The following CCDC6 variants were observed in gnomAD, a reference collection of about 807,000 sequenced individuals.
CCDC6 encodes the protein coiled-coil domain containing 6.
Under a neutral mutation model 56.6 loss-of-function variants are expected in CCDC6, and 20 were observed. The observed-to-expected ratio is 0.35, with a 90% CI of 0.25 to 0.51. The LOEUF (loss-of-function observed/expected upper bound fraction) is 0.51. Among genes scored for constraint, CCDC6 ranks in the 20% least tolerant of loss-of-function variants. The pLI is 0.95. For missense variants in CCDC6, 367 were observed against 601.1 expected (o/e 0.61, Z 4.07); for synonymous variants, 241 against 234.4 (o/e 1.03, Z -0.26).
At chr10:59,800,393 T>C (rs762094485) in intron 7 of CCDC6, among the ~76,000 whole-genome samples, 1 of 152,216 alleles carries the variant, frequency 6.6e-6, no homozygotes, top group Non-Finnish European at 1.5e-5. Context: ...GTAGAAATGG[T>C]ATCATATAGT....
In CCDC6 at chr10:59,890,701, G is replaced by GT. The variant is rs528699218; in HGVS notation, c.303+15420dup. 2.3e-3 allele frequency among the ~76,000 whole-genome samples: 347 copies of GT among 151,300 alleles called. 2 individuals carry two copies. The highest frequency in any genetic ancestry group is 3.6e-3 in the Non-Finnish European group (247 of 67,718). On this transcript the variant is annotated intron_variant, in intron 1 of 8. Coordinates refer to ENST00000263102, the MANE Select transcript of CCDC6 (RefSeq NM_005436.5). ...GCAAGGAAGGGGCAAACAGATTTTT[G>GT]TTTTTTTTCTTTTTTATTTATTTAT...
intron 1 of CCDC6, among the ~76,000 whole-genome samples, chr10:59,865,509 T>C (rs1457971441): frequency 6.6e-6 from 1 of 152,136 alleles, no homozygotes; most frequent in Non-Finnish European, 1.5e-5. Flanking sequence ...TAAAACCCAC[T>C]GGCAGTTGAT....
rs1024764988 is a variant in CCDC6, at chr10:59,790,891, T to C, written c.*2026A>G. 4.8e-6 allele frequency: 1 copy of C among 207,716 alleles called. No homozygotes were observed. The highest frequency in any genetic ancestry group is 2.3e-5 in the African/African-American group (1 of 43,888). 12.9% of individuals were successfully genotyped at this position (207,716 alleles called of 1,614,324 possible). On this transcript the variant is annotated 3_prime_UTR_variant, in exon 9 of 9. Transcript: ENST00000263102. Reference sequence around the variant, plus strand: ...GAGGGAAGATCATTCCATTATGGACTTTCTTGTTTGGGTGCAAGACACTAT... The same window carrying C: ...GAGGGAAGATCATTCCATTATGGACCTTCTTGTTTGGGTGCAAGACACTAT...
At chr10:59,808,667 C>T (rs967224948) in intron 5 of CCDC6, among the ~76,000 whole-genome samples, 2 of 152,150 alleles carry the variant, frequency 1.3e-5, no homozygotes. Context: ...ATTGTCAGTT[C>T]GGTCCAAATT....
At chr10:59,899,434 C>T (rs575212139) in intron 1 of CCDC6, among the ~76,000 whole-genome samples, 22 of 152,324 alleles carry the variant, frequency 1.4e-4, no homozygotes, top group African/African-American at 3.6e-4. Flanking sequence ...ACAATTATTT[C>T]GGCAAGGCAT....
chr10:59,794,248 A>C (rs2271564), intron 8 of CCDC6, among the ~76,000 whole-genome samples: 35,331 of 152,172 alleles, frequency 0.23, 4,383 homozygotes, highest in Middle Eastern at 0.29. Context: ...ACAAAGGGTA[A>C]TTTTTCATAG....
At chr10:59,885,914 C>T (rs2071379615) in intron 1 of CCDC6, among the ~76,000 whole-genome samples, 1 of 47,056 alleles carries the variant, frequency 2.1e-5, no homozygotes, top group East Asian at 1.3e-3. Context: ...TTTCCAACCC[C>T]GCCCCCCGCC....
intron 1 of CCDC6, among the ~76,000 whole-genome samples, chr10:59,893,726 T>C (rs780297573): frequency 1.8e-5 from 2 of 110,974 alleles, no homozygotes; most frequent in African/African-American, 3.0e-5. Flanking sequence ...AAGTAAGTTA[T>C]GGTTCTCCAC....
Position 59,833,034 on chromosome 10 carries a change from T to C in CCDC6, c.454-381A>G, listed in dbSNP as rs2132644093. 2.0e-5 allele frequency among the ~76,000 whole-genome samples: 3 copies of C among 152,360 alleles called. No homozygotes were observed. The South Asian group carries it at 6.2e-4, about 32-fold the overall frequency. On this transcript the variant is annotated intron_variant, in intron 2 of 8. Transcript: ENST00000263102. ...GTCAAAATCACAGAACATACTTAGG[T>C]AAATTATTCAGAATGCTATTTCCAG...
At chr10:59,856,321 T>A (rs1334183932) in intron 1 of CCDC6, among the ~76,000 whole-genome samples, 4 of 134,476 alleles carry the variant, frequency 3.0e-5, no homozygotes, top group Admixed American at 2.3e-4. Context: ...AAGGGCAAAA[T>A]GCTATATCCA....
rs1305688322 is a variant in CCDC6 at position 59,849,087 on chromosome 10, CACA to C, written c.453+3463_453+3465del. Reference sequence around the variant, plus strand: ...TTTTAATTACAAATAACGATTAAAGCACAACCTCTCTTCAAGGCATTCAAGAGT... The same window carrying C: ...TTTTAATTACAAATAACGATTAAAGCACCTCTCTTCAAGGCATTCAAGAGT... On this transcript the variant is annotated intron_variant, in intron 2 of 8. Coordinates refer to ENST00000263102, the MANE Select transcript of CCDC6 (RefSeq NM_005436.5). Among the ~76,000 whole-genome samples, 4 of 152,180 alleles carry C rather than the reference CACA, an allele frequency of 2.6e-5. No individual in the cohort carries two copies. In the East Asian group the frequency reaches 7.7e-4, roughly 29 times the overall value.
rs144036104 is a variant in CCDC6, at chr10:59,792,938, C to T, written c.1404G>A (p.Ala468=). ...TGCATTAAGGCTGGGAGGAGGGGTG[C>T]GCCGAATGTTGCGAAGGAGTAGGCT... ...TSQPTPSQHS[A]HPSSQP is the part of the protein sequence containing the mutation. Residue 468 remains alanine, a synonymous_variant, in exon 9 of 9, where the codon GCG becomes GCA. Transcript: ENST00000263102. 2.8e-5 allele frequency: 45 copies of T among 1,609,732 alleles called. No individual in the cohort carries two copies. Among genetic ancestry groups the T allele is most frequent in the South Asian group, 2.0e-4 (18 of 90,156 alleles).
intron 1 of CCDC6, among the ~76,000 whole-genome samples, chr10:59,898,416 T>C (rs1263238000): frequency 6.6e-6 from 1 of 152,262 alleles, no homozygotes; most frequent in Non-Finnish European, 1.5e-5. Flanking sequence ...TGATAACTTG[T>C]TACCCTTAAA....
At chr10:59,850,885 T>C (rs978757381) in intron 2 of CCDC6, among the ~76,000 whole-genome samples, 2 of 152,024 alleles carry the variant, frequency 1.3e-5, no homozygotes, top group Non-Finnish European at 2.9e-5. Flanking sequence ...TGTGCTTATG[T>C]TTTCATTCTT....
intron 2 of CCDC6, among the ~76,000 whole-genome samples, chr10:59,843,699 A>G (rs1370564464): frequency 1.3e-5 from 2 of 152,220 alleles, no homozygotes; most frequent in Non-Finnish European, 2.9e-5. Flanking sequence ...CTAGGATGAT[A>G]GTAACTTGCT....
At chr10:59,859,187 TAC>T (rs113170490) in intron 1 of CCDC6, among the ~76,000 whole-genome samples, 24,026 of 142,448 alleles carry the variant, frequency 0.17, 2,540 homozygotes, top group African/African-American at 0.31. Context: ...GAAAAAAAAA[TAC>T]ATGTGTGTGC....
At chr10:59,795,878 G>A (rs1398764264) in intron 7 of CCDC6, among the ~76,000 whole-genome samples, 1 of 151,994 alleles carries the variant, frequency 6.6e-6, no homozygotes, top group Non-Finnish European at 1.5e-5. Context: ...GTCTATCGTT[G>A]TTGGACATTT....
At position 59,812,806 on chromosome 10, in the gene CCDC6, A is replaced by C. The variant is rs1028324450; in HGVS notation, c.687-11T>G. 6.3e-7 allele frequency: 1 copy of C among 1,578,222 alleles called. No homozygotes were observed. The highest frequency in any genetic ancestry group is 8.6e-7 in the Non-Finnish European group (1 of 1,159,214). On this transcript the variant is annotated splice_polypyrimidine_tract_variant and intron_variant, in intron 4 of 8. Coordinates refer to ENST00000263102, the MANE Select transcript of CCDC6 (RefSeq NM_005436.5). ...TTTTCCTGCAGGATTCTTCATTGAA[A>C]AGAAAAATTCCAACAATGACTAACA...
chr10:59,842,156 C>A (rs928992927), intron 2 of CCDC6, among the ~76,000 whole-genome samples: 1 of 152,082 alleles, frequency 6.6e-6, no homozygotes, highest in Non-Finnish European at 1.5e-5. Context: ...ATTCTCCTGC[C>A]TCAGCATCCC....
Sources: allele counts gnomAD v4.1 joint callset (sites outside exome capture counted in the v4.1 genomes callset), GRCh38; gene constraint gnomAD v4.1.1; transcripts MANE v1.5; gene names NCBI Gene and HGNC (gene_info 2026-07-23, HGNC 2026-07-21).